WIPF2: variants seen among roughly 807,000 people sequenced by gnomAD.
WIPF2 encodes WAS/WASL interacting protein family member 2, also known as WAS/WASL-interacting protein family member 2.
WIPF2 carries 23 observed loss-of-function variants against 38.8 expected under a neutral mutation model. The ratio of observed to expected loss-of-function variants is 0.59; its 90% CI spans 0.43 to 0.84. WIPF2 has a LOEUF of 0.84. Among genes scored for constraint, WIPF2 ranks in the 40% least tolerant of loss-of-function variants. The pLI is 0.00. For synonymous variants in WIPF2, 210 were observed against 223.2 expected (o/e 0.94, Z 0.53); for missense variants, 574 against 580.5 (o/e 0.99, Z 0.11).
intron 2 of WIPF2, among the ~76,000 whole-genome samples, chr17:40,260,214 T>G: frequency 7.2e-6 from 1 of 138,508 alleles, no homozygotes; most frequent in Non-Finnish European, 1.6e-5. Context: ...TGCAGGCACA[T>G]TCTCGCCCTG....
chr17:40,242,474 G>A lies in WIPF2; in HGVS notation c.-69-13917G>A, dbSNP rs374739090. ...TTACCCAGTGGCACAATCTCAGCTC[G>A]CTGCAACCTCCGCCTGCCGAGTTCA... On this transcript the variant is annotated intron_variant, in intron 1 of 7. Coordinates refer to ENST00000323571, the MANE Select transcript of WIPF2 (RefSeq NM_133264.5). Among the ~76,000 whole-genome samples the A allele has an allele frequency of 3.0e-4, 45 of 152,170 alleles. No homozygotes were observed. In the East Asian group the frequency reaches 6.4e-3, roughly 22 times the overall value.
Position 40,283,694 on chromosome 17 carries a change from G to T in WIPF2, c.*5469G>T, listed in dbSNP as rs1359311143. ...GGCAGATTCTCAGATTGAGGCTAAA[G>T]AAAAGAAGGGTGGGGACAAAGCATA... On this transcript the variant is annotated 3_prime_UTR_variant, in exon 8 of 8. Coordinates refer to ENST00000323571, the MANE Select transcript of WIPF2 (RefSeq NM_133264.5). The T allele has an allele frequency of 6.6e-6, 1 of 152,208 alleles. No homozygotes were observed. Among genetic ancestry groups the T allele is most frequent in the Non-Finnish European group, 1.5e-5 (1 of 68,038 alleles). 9.4% of individuals were successfully genotyped at this position (152,208 alleles called of 1,614,324 possible).
chr17:40,256,096 TAAAA>T (rs892748332), intron 1 of WIPF2, among the ~76,000 whole-genome samples: 6 of 96,974 alleles, frequency 6.2e-5, no homozygotes, highest in South Asian at 3.1e-4. Context: ...CCAGGGTCTT[TAAAA>T]AAAAAAAAAA....
chr17:40,275,125 C>A (rs370557835), intron 6 of WIPF2, among the ~76,000 whole-genome samples: 1 of 150,764 alleles, frequency 6.6e-6, no homozygotes, highest in East Asian at 2.0e-4. Flanking sequence ...GCCATAATCC[C>A]AGCTACTCAG....
chr17:40,233,364 CA>C (rs2030828290), intron 1 of WIPF2, among the ~76,000 whole-genome samples: 1 of 151,984 alleles, frequency 6.6e-6, no homozygotes, highest in Middle Eastern at 3.2e-3. Context: ...GACAGTACTA[CA>C]AGGCTTATAA....
chr17:40,283,840 C>T lies in WIPF2; in HGVS notation c.*5615C>T, dbSNP rs956071582. ...AGGTGTAAAAATTCAACCAGACATT[C>T]TCTCCTTACTGTGGTCAGCTGACAT... On this transcript the variant is annotated 3_prime_UTR_variant, in exon 8 of 8. Transcript: ENST00000323571. The T allele has an allele frequency of 6.6e-6, 1 of 152,178 alleles. No homozygotes were observed. Among genetic ancestry groups the T allele is most frequent in the East Asian group, 1.9e-4 (1 of 5,194 alleles). 9.4% of individuals were successfully genotyped at this position (152,178 alleles called of 1,614,324 possible).
At chr17:40,271,890 A>G (rs529754934) in intron 5 of WIPF2, among the ~76,000 whole-genome samples, 51 of 152,328 alleles carry the variant, frequency 3.3e-4, no homozygotes, top group African/African-American at 9.9e-4. Flanking sequence ...ATTATATTCC[A>G]GTCATATTGC....
chr17:40,271,285 T>C (rs564779630), intron 5 of WIPF2, among the ~76,000 whole-genome samples: 1 of 152,136 alleles, frequency 6.6e-6, no homozygotes. Flanking sequence ...CAAGATACCG[T>C]TTTACTACTA....
intron 6 of WIPF2, among the ~76,000 whole-genome samples, chr17:40,275,573 T>G (rs2032372601): frequency 1.3e-5 from 2 of 152,132 alleles, no homozygotes; most frequent in African/African-American, 4.8e-5. Context: ...CTCTAGATTT[T>G]TTTTTTTTGA....
intron 1 of WIPF2, among the ~76,000 whole-genome samples, chr17:40,247,220 T>G (rs2031400024): frequency 7.4e-6 from 1 of 134,878 alleles, no homozygotes; most frequent in African/African-American, 2.8e-5. Flanking sequence ...TTTTTTTTTT[T>G]TTTTTTTTTT....
At chr17:40,266,740 GGA>G (rs1211135771) in intron 5 of WIPF2, among the ~76,000 whole-genome samples, 1 of 152,068 alleles carries the variant, frequency 6.6e-6, no homozygotes, top group African/African-American at 2.4e-5. Flanking sequence ...ATGAAACTTA[GGA>G]GAGAGGGAAA....
In WIPF2 at chr17:40,228,226, G is replaced by A. The variant is rs1050193263; in HGVS notation, c.-70+8734G>A. Among the ~76,000 whole-genome samples the A allele has an allele frequency of 6.0e-5, 9 of 150,640 alleles. No homozygotes were observed. The East Asian group carries it at 1.4e-3, about 23-fold the overall frequency. ...GAGACGGGGTTTCACCGTTTTAGCCGGGATGGTCTCGATCTCCTGACCTCG... is the reference window on the plus strand; with the variant it reads ...GAGACGGGGTTTCACCGTTTTAGCCAGGATGGTCTCGATCTCCTGACCTCG... On this transcript the variant is annotated intron_variant, in intron 1 of 7. Transcript: ENST00000323571.
chr17:40,262,646 C>A lies in WIPF2; in HGVS notation c.313+5C>A, dbSNP rs772160728. On this transcript the variant is annotated splice_donor_5th_base_variant and intron_variant, in intron 4 of 7. Transcript: ENST00000323571. ...TGGGAGCCAAGGATGGTTCAGGTAT[C>A]TGATGAGTACTTTCCCAGGGTATTT... 6.2e-7 allele frequency: 1 copy of A among 1,608,502 alleles called. No homozygotes were observed. Among genetic ancestry groups the A allele is most frequent in the East Asian group, 2.2e-5 (1 of 44,836 alleles).
At position 40,232,179 on chromosome 17, in the gene WIPF2, ATTTTTTTTTTTTTTT is replaced by A. The variant is rs752876006; in HGVS notation, c.-70+12701_-70+12715del. Among the ~76,000 whole-genome samples the A allele has an allele frequency of 3.9e-5, 3 of 76,052 alleles. No homozygotes were observed. The South Asian group carries it at 1.1e-3, about 29-fold the overall frequency. The allele number at this position is 76,052 out of a possible 152,430, so 49.9% of individuals were successfully genotyped here. On this transcript the variant is annotated intron_variant, in intron 1 of 7. Coordinates refer to ENST00000323571, the MANE Select transcript of WIPF2 (RefSeq NM_133264.5). Reference sequence around the variant, plus strand: ...AGGCACATGCCACCATGCCTGGCTAATTTTTTTTTTTTTTTTTTTTTTTTTTTTGAGACAGGGTCT... The same window carrying A: ...AGGCACATGCCACCATGCCTGGCTAATTTTTTTTTTTTTGAGACAGGGTCT...
chr17:40,238,414 C>T (rs1470215164), intron 1 of WIPF2, among the ~76,000 whole-genome samples: 1 of 152,096 alleles, frequency 6.6e-6, no homozygotes, highest in East Asian at 1.9e-4. Context: ...AGCAATTCTC[C>T]TGTCTCAGCC....
At chr17:40,278,087 A>G in intron 7 of WIPF2, 98 bp from the exon 8 acceptor site, 1 of 1,373,686 alleles carries the variant, frequency 7.3e-7, no homozygotes. Flanking sequence ...TTTAAAGGTT[A>G]GCTTAAAGAG....
Position 40,223,189 on chromosome 17 carries a change from G to A in WIPF2, c.-70+3697G>A, listed in dbSNP as rs1598461557. On this transcript the variant is annotated intron_variant, in intron 1 of 7. Coordinates refer to ENST00000323571, the MANE Select transcript of WIPF2 (RefSeq NM_133264.5). ...GACAGAGTCTTGCTGTATTGCCCAG[G>A]CTGGAGTGCAATGGCACAATCTTGG... is the stretch of plus-strand genomic sequence containing the variant. Among the ~76,000 whole-genome samples, 3 of 152,076 alleles carry A rather than the reference G, an allele frequency of 2.0e-5. 1 individual carries two copies. The highest frequency in any genetic ancestry group is 6.5e-5 in the Admixed American group (1 of 15,276).
At position 40,255,614 on chromosome 17, in the gene WIPF2, C is replaced by T. The variant is rs189463283; in HGVS notation, c.-69-777C>T. On this transcript the variant is annotated intron_variant, in intron 1 of 7. Coordinates refer to ENST00000323571, the MANE Select transcript of WIPF2 (RefSeq NM_133264.5). ...TGCTGGGATTACAGGTGTGAGCCAC[C>T]GTGCCCGGCCTAAATTTTTTTTTTT... Among the ~76,000 whole-genome samples the T allele has an allele frequency of 2.1e-3, 317 of 151,114 alleles. 2 individuals carry two copies. Among genetic ancestry groups the T allele is most frequent in the African/African-American group, 7.3e-3 (301 of 41,162 alleles).
chr17:40,268,621 G>A (rs1245497730), intron 5 of WIPF2, among the ~76,000 whole-genome samples: 1 of 151,918 alleles, frequency 6.6e-6, no homozygotes, highest in Non-Finnish European at 1.5e-5. Context: ...TATTTTTTAA[G>A]ATGAGGTCTG....
Sources: allele counts gnomAD v4.1 joint callset (sites outside exome capture counted in the v4.1 genomes callset), GRCh38; gene constraint gnomAD v4.1.1; transcripts MANE v1.5; gene names NCBI Gene and HGNC (gene_info 2026-07-23, HGNC 2026-07-21).